Variants in LHCGR observed in about 807,000 individuals in gnomAD.
LHCGR encodes the protein luteinizing hormone/choriogonadotropin receptor, also known as lutropin-choriogonadotropic hormone receptor.
LHCGR carries 55 observed loss-of-function variants against 60.7 expected under a neutral mutation model. The ratio of observed to expected loss-of-function variants is 0.91; its 90% confidence interval spans 0.73 to 1.13. The LOEUF (loss-of-function observed/expected upper bound fraction) is 1.13, where lower values mean the gene tolerates loss of function less well. LHCGR is among the 50% of genes most tolerant of loss of function. The probability of loss-of-function intolerance (pLI) is 0.00; values close to 1 mark genes in which losing one functional copy is unlikely to be tolerated. For missense variants in LHCGR, 862 were observed against 836.0 expected, an observed-to-expected ratio of 1.03 and a Z score of -0.38; for synonymous variants, 337 against 316.5, an observed-to-expected ratio of 1.06 and a Z score of -0.69.
At chr2:48,702,232 A>G (rs529680407) in intron 8 of LHCGR, among the ~76,000 whole-genome samples, 5 of 151,166 alleles carry the variant, frequency 3.3e-5, no homozygotes, top group African/African-American at 1.2e-4. Context: ...GTCAGATTCA[A>G]TGTTCTATTC....
intron 1 of LHCGR, among the ~76,000 whole-genome samples, chr2:48,737,417 G>A (rs1318000176): frequency 6.6e-6 from 1 of 152,156 alleles, no homozygotes; most frequent in East Asian, 1.9e-4. Flanking sequence ...AAAGAATTTG[G>A]TGTTTTTGTA....
intron 10 of LHCGR, among the ~76,000 whole-genome samples, chr2:48,691,911 G>T (rs868747051): frequency 1.3e-5 from 2 of 151,170 alleles, no homozygotes; most frequent in African/African-American, 2.4e-5. Flanking sequence ...TATTGGTAAC[G>T]AAACCAAGAT....
intron 6 of LHCGR, chr2:48,720,899 G>C (rs1470230050): frequency 6.6e-6 from 1 of 152,128 alleles, no homozygotes; most frequent in Non-Finnish European, 1.5e-5. Context: ...AACAGTGCAG[G>C]TATTTAATAA....
rs193033505 is a variant in LHCGR, at chr2:48,748,014, A to G, written c.161+7497T>C. On this transcript the variant is annotated intron_variant, in intron 1 of 10. Transcript: ENST00000294954. ...TAACCATGCTAGTCCAGCTGCCTCT[A>G]TAGAGAATGAGCCTTAAAACACTCA... Among the ~76,000 whole-genome samples, 300 of 152,274 alleles carry G rather than the reference A, an allele frequency of 2.0e-3. 1 individual carries two copies. The highest frequency in any genetic ancestry group is 6.4e-3 in the African/African-American group (265 of 41,566).
intron 3 of LHCGR, 126 bp downstream of exon 3, chr2:48,729,027 A>C: frequency 1.2e-6 from 1 of 812,626 alleles, no homozygotes; most frequent in East Asian, 2.4e-5. Context: ...GCCCAGACCT[A>C]GTAATTGCTG....
chr2:48,693,164 A>T (rs998155980), intron 10 of LHCGR, among the ~76,000 whole-genome samples: 1 of 152,164 alleles, frequency 6.6e-6, no homozygotes, highest in Non-Finnish European at 1.5e-5. Flanking sequence ...AAGAGAGGGA[A>T]GGGTGAAGAA....
At position 48,694,258 on chromosome 2, in the gene LHCGR, C is replaced by T. The variant is rs1667008554; in HGVS notation, c.913G>A (p.Glu305Lys). The change falls in exon 10 of 11, where the codon GAA becomes AAA. Residue 305 changes from glutamate (E) to lysine (K), a missense_variant. By Grantham distance (56) the Glu-to-Lys change is moderately conservative. Coordinates refer to ENST00000294954, the MANE Select transcript of LHCGR (RefSeq NM_000233.4). Reference sequence around the variant, plus strand: ...TTATTCACTTTCCTTACTGTGCTTTCACATTGTTTGGAAAAGTTTTCAGAA... The same window carrying T: ...TTATTCACTTTCCTTACTGTGCTTTTACATTGTTTGGAAAAGTTTTCAGAA... Reference protein sequence around the residue: ...SISENFSKQCESTVRKVNNKT... With the variant: ...SISENFSKQCKSTVRKVNNKT... 1 of 1,599,284 alleles carries T rather than the reference C, an allele frequency of 6.3e-7. No homozygotes were observed. Among genetic ancestry groups the T allele is most frequent in the Non-Finnish European group, 8.6e-7 (1 of 1,168,630 alleles).
chr2:48,701,897 TG>T (rs1667429381), intron 8 of LHCGR, among the ~76,000 whole-genome samples: 3 of 152,240 alleles, frequency 2.0e-5, no homozygotes, highest in African/African-American at 7.2e-5. Context: ...TAAAATGACA[TG>T]CCTGTTTATT....
chr2:48,752,529 C>CT lies in LHCGR; in HGVS notation c.161+2981dup, dbSNP rs11327396. 7.2e-4 allele frequency among the ~76,000 whole-genome samples: 104 copies of CT among 144,384 alleles called. 1 individual carries two copies. Among genetic ancestry groups the CT allele is most frequent in the South Asian group, 7.1e-3 (32 of 4,506 alleles). The allele number at this position is 144,384 out of a possible 152,430, so 94.7% of individuals were successfully genotyped here. ...AGACTTACCTCATAATTTAAGCTTT[C>CT]TTTTTTTTTTTTTTTATGAACTGAT... On this transcript the variant is annotated intron_variant, in intron 1 of 10. Transcript: ENST00000294954.
Position 48,687,902 on chromosome 2 carries a change from C to G in LHCGR, c.1895G>C (p.Arg632Thr). Residue 632 changes from arginine (R) to threonine (T), a missense_variant, in exon 11 of 11, where the codon AGA becomes ACA. Arg to Thr is a moderately conservative substitution (Grantham distance 71, BLOSUM62 -1). Transcript: ENST00000294954. Reference protein sequence around the residue: ...LYAIFTKTFQRDFFLLLSKFG... With the variant: ...LYAIFTKTFQTDFFLLLSKFG... ...TTTGCTCAGCAAAAGAAAGAAATCT[C>G]TTTGGAATGTCTTAGTGAATATTGC... is the stretch of plus-strand genomic sequence containing the variant. The G allele has an allele frequency of 6.2e-7, 1 of 1,614,116 alleles. No individual in the cohort carries two copies. Among genetic ancestry groups the G allele is most frequent in the African/African-American group, 1.3e-5 (1 of 75,032 alleles).
At chr2:48,725,980 A>G (rs934116471) in intron 3 of LHCGR, among the ~76,000 whole-genome samples, 8 of 152,108 alleles carry the variant, frequency 5.3e-5, no homozygotes, top group Admixed American at 2.6e-4. Flanking sequence ...AGAGGTGGGT[A>G]TAAGGATCAG....
intron 3 of LHCGR, among the ~76,000 whole-genome samples, chr2:48,728,786 A>C (rs892315258): frequency 6.6e-6 from 1 of 152,164 alleles, no homozygotes; most frequent in Non-Finnish European, 1.5e-5. Flanking sequence ...GAATGTGCCA[A>C]AACAGCCCCC....
chr2:48,754,677 T>C (rs1670125902), intron 1 of LHCGR, among the ~76,000 whole-genome samples: 1 of 151,390 alleles, frequency 6.6e-6, no homozygotes, highest in Admixed American at 6.6e-5. Flanking sequence ...TGGTAACTAC[T>C]AATCTACTTT....
At chr2:48,698,513 G>T (rs377201411) in intron 9 of LHCGR, 102 bp downstream of exon 9, 2 of 900,904 alleles carry the variant, frequency 2.2e-6, no homozygotes, top group Non-Finnish European at 1.8e-6. Flanking sequence ...TGGCCAAGAA[G>T]GTAGGGAGTG....
intron 8 of LHCGR, among the ~76,000 whole-genome samples, chr2:48,703,538 T>C (rs1667511297): frequency 1.3e-5 from 2 of 151,930 alleles, no homozygotes; most frequent in South Asian, 4.1e-4. Context: ...GGAATGCCAT[T>C]TGTTTGTGTC....
chr2:48,699,704 T>C (rs1371013171), intron 8 of LHCGR, among the ~76,000 whole-genome samples: 1 of 152,264 alleles, frequency 6.6e-6, no homozygotes, highest in Non-Finnish European at 1.5e-5. Context: ...GCAGAATGCA[T>C]GTTCTCTAAT....
intron 1 of LHCGR, chr2:48,733,108 C>A (rs745883480): frequency 5.0e-5 from 19 of 381,068 alleles, no homozygotes; most frequent in Non-Finnish European, 1.0e-4. Context: ...AAGCTGTATT[C>A]CACTGTACCC....
chr2:48,731,950 T>A (rs1669010958), intron 1 of LHCGR, among the ~76,000 whole-genome samples: 1 of 152,234 alleles, frequency 6.6e-6, no homozygotes, highest in Admixed American at 6.5e-5. Flanking sequence ...TTAACTCACA[T>A]GGGCATCTCA....
intron 2 of LHCGR, among the ~76,000 whole-genome samples, chr2:48,730,870 T>G (rs1668956187): frequency 6.6e-6 from 1 of 152,200 alleles, no homozygotes; most frequent in African/African-American, 2.4e-5. Context: ...ACACATTTTT[T>G]TTCCTATGTG....
Sources: gnomAD v4.1 joint callset for allele counts (sites outside exome capture counted in the v4.1 genomes callset) on GRCh38, gnomAD v4.1.1 for gene constraint, MANE v1.5 for transcripts, NCBI Gene and HGNC (gene_info 2026-07-23, HGNC 2026-07-21) for gene names.